The following SOX5 variants were observed in gnomAD, a reference collection of about 807,000 sequenced individuals.
SOX5 encodes SRY-box transcription factor 5.
In SOX5, 9 loss-of-function variants were observed where a neutral mutation model predicts 92.0. The ratio of observed to expected loss-of-function variants is 0.10; its 90% confidence interval spans 0.06 to 0.17. The LOEUF is 0.17. Ranked by LOEUF, SOX5 falls within the 10% of genes least tolerant of loss-of-function variation. The pLI is 1.00. For synonymous variants in SOX5, 344 were observed against 336.3 expected (o/e 1.02, Z -0.25); for missense variants, 642 against 944.5 (o/e 0.68, Z 4.20).
At chr12:23,582,298 C>T in intron 9 of SOX5, 1 of 984,666 alleles carries the variant, frequency 1.0e-6, no homozygotes, top group Non-Finnish European at 1.2e-6. Context: ...CTAGAAGAAA[C>T]AAAACAAACA....
In SOX5 at chr12:24,207,996, C is replaced by T. The variant is rs563619646; in HGVS notation, c.-2+5347G>A. On this transcript the variant is annotated intron_variant, in intron 4 of 4. Coordinates refer to the SOX5 transcript ENST00000446891. ...AAAAGAATAAATCAGTAAAAACAAA[C>T]TGCTTTTTGTGATTTCCTATATCTG... Among the ~76,000 whole-genome samples, 17 of 152,260 alleles carry T rather than the reference C, an allele frequency of 1.1e-4. No individual in the cohort carries two copies. In the East Asian group the frequency reaches 3.3e-3, roughly 29 times the overall value.
chr12:24,260,984 CA>C (rs1259862130), intron 3 of SOX5, among the ~76,000 whole-genome samples: 2 of 152,042 alleles, frequency 1.3e-5, no homozygotes, highest in Non-Finnish European at 2.9e-5. Flanking sequence ...CTCAGATTCC[CA>C]AATTAAAACC....
At chr12:24,518,850 T>A (rs1302087026) in intron 1 of SOX5, among the ~76,000 whole-genome samples, 3 of 152,190 alleles carry the variant, frequency 2.0e-5, no homozygotes, top group Non-Finnish European at 4.4e-5. Context: ...CATTAAATTG[T>A]TTTACTTCCT....
intron 1 of SOX5, among the ~76,000 whole-genome samples, chr12:23,901,688 A>C (rs1488745572): frequency 6.6e-6 from 1 of 152,146 alleles, no homozygotes; most frequent in Admixed American, 6.5e-5. Flanking sequence ...TTTATGGTCA[A>C]TCTCTCCCAC....
At chr12:23,846,878 T>C (rs2096581361) in intron 2 of SOX5, among the ~76,000 whole-genome samples, 1 of 152,196 alleles carries the variant, frequency 6.6e-6, no homozygotes. Context: ...TGCTATTTTG[T>C]ATTTTAATCC....
intron 10 of SOX5, among the ~76,000 whole-genome samples, chr12:23,573,921 A>G (rs1476814750): frequency 1.3e-5 from 2 of 152,036 alleles, no homozygotes; most frequent in Non-Finnish European, 2.9e-5. Context: ...ATAATAAATG[A>G]GACAGTAAAT....
At chr12:23,577,383 A>G (rs990256010) in intron 9 of SOX5, among the ~76,000 whole-genome samples, 1 of 151,480 alleles carries the variant, frequency 6.6e-6, no homozygotes, top group Non-Finnish European at 1.5e-5. Context: ...TATTTTTAGT[A>G]GAGACAGGGT....
chr12:23,980,683 CT>C (rs1181558910), intron 4 of SOX5, among the ~76,000 whole-genome samples: 2 of 152,142 alleles, frequency 1.3e-5, no homozygotes, highest in African/African-American at 4.8e-5. Flanking sequence ...TCTTTCCCCC[CT>C]CTTCCGTTTT....
At chr12:24,092,347 C>G (rs983381547) in intron 4 of SOX5, among the ~76,000 whole-genome samples, 1 of 151,960 alleles carries the variant, frequency 6.6e-6, no homozygotes, top group African/African-American at 2.4e-5. Context: ...CTTTAAAGAT[C>G]CCACAAACGG....
intron 13 of SOX5, among the ~76,000 whole-genome samples, chr12:23,539,677 C>A (rs1371690283): frequency 6.6e-6 from 1 of 151,550 alleles, no homozygotes; most frequent in Admixed American, 6.6e-5. Flanking sequence ...TGTGTAAATT[C>A]TCAGATAAGT....
intron 2 of SOX5, among the ~76,000 whole-genome samples, chr12:24,334,718 C>T (rs1951698443): frequency 6.6e-6 from 1 of 152,056 alleles, no homozygotes; most frequent in Non-Finnish European, 1.5e-5. Context: ...TACAGCAAAA[C>T]ATTAGAAATT....
At chr12:24,096,693 G>A (rs1218836026) in intron 4 of SOX5, among the ~76,000 whole-genome samples, 2 of 152,128 alleles carry the variant, frequency 1.3e-5, no homozygotes, top group East Asian at 3.9e-4. Context: ...ACAGACACAT[G>A]TTATGTATCT....
intron 4 of SOX5, among the ~76,000 whole-genome samples, chr12:24,026,666 T>TA (rs58294728): frequency 0.11 from 15,731 of 139,848 alleles, 902 homozygotes; most frequent in African/African-American, 0.13. Flanking sequence ...GTCTATTAGA[T>TA]AAAAAAAAAA....
chr12:24,371,341 TC>T lies in SOX5; in HGVS notation c.-250-2703del, dbSNP rs758608692. Among the ~76,000 whole-genome samples, 200 of 151,572 alleles carry T rather than the reference TC, an allele frequency of 1.3e-3. 1 individual carries two copies. Among genetic ancestry groups the T allele is most frequent in the Middle Eastern group, 6.8e-3 (2 of 292 alleles). On this transcript the variant is annotated intron_variant, in intron 1 of 4. Transcript: ENST00000446891. The stretch of plus-strand genomic sequence containing the variant: ...AAGTATAAGTTCGGAGACAGATTTT[TC>T]CCCCCCAGGGCTACAGACAAAAACT...
chr12:23,683,520 A>C (rs1422825981), intron 6 of SOX5, among the ~76,000 whole-genome samples: 1 of 151,870 alleles, frequency 6.6e-6, no homozygotes, highest in African/African-American at 2.4e-5. Flanking sequence ...TTAATATTGC[A>C]TACATAGCTA....
chr12:24,424,802 T>TC (rs915988429), intron 1 of SOX5, among the ~76,000 whole-genome samples: 8 of 120,448 alleles, frequency 6.6e-5, no homozygotes, highest in Non-Finnish European at 5.0e-5. Flanking sequence ...TTGTGAGTTT[T>TC]TTTTTTGGGG....
rs114229031 is a variant in SOX5, at chr12:23,965,488, C to A, written c.-1-69464G>T. Among the ~76,000 whole-genome samples the A allele has an allele frequency of 3.3e-5, 5 of 152,292 alleles. No individual in the cohort carries two copies. The East Asian group carries it at 9.7e-4, about 29-fold the overall frequency. On this transcript the variant is annotated intron_variant, in intron 4 of 4. Coordinates refer to the SOX5 transcript ENST00000446891. ...CTCTAGCACTGGACAACTTCCTGCA[C>A]AAATTGTGGACAGACCATCTGTGCT...
At chr12:24,187,484 T>C (rs1489869056) in intron 4 of SOX5, among the ~76,000 whole-genome samples, 1 of 152,206 alleles carries the variant, frequency 6.6e-6, no homozygotes, top group Non-Finnish European at 1.5e-5. Flanking sequence ...AGAAATACAT[T>C]TGCTTCATAA....
At chr12:24,375,967 CAT>C (rs561733514) in intron 1 of SOX5, among the ~76,000 whole-genome samples, 56 of 152,106 alleles carry the variant, frequency 3.7e-4, no homozygotes, top group African/African-American at 1.3e-3. Flanking sequence ...TTGAAAATTA[CAT>C]GTTATCTCAC....
Sources: gnomAD v4.1 joint callset for allele counts (sites outside exome capture counted in the v4.1 genomes callset) on GRCh38, gnomAD v4.1.1 for gene constraint, MANE v1.5 for transcripts, NCBI Gene and HGNC (gene_info 2026-07-23, HGNC 2026-07-21) for gene names.